EML5: variants seen among roughly 807,000 people sequenced by gnomAD.
EML5 encodes the protein echinoderm microtubule-associated protein-like 5.
In EML5, 120 loss-of-function variants were observed where a neutral mutation model predicts 250.0. The observed-to-expected ratio is 0.48, with a 90% CI of 0.41 to 0.56. EML5 has a LOEUF of 0.56. Ranked by LOEUF, EML5 falls within the 20% of genes least tolerant of loss-of-function variation. The pLI is 0.00. For missense variants in EML5, 2,006 were observed against 2,437.6 expected, an observed-to-expected ratio of 0.82 and a Z score of 3.73; for synonymous variants, 771 against 806.5, an observed-to-expected ratio of 0.96 and a Z score of 0.75.
intron 37 of EML5, 81 bp from the exon 38 acceptor site, chr14:88,621,382 G>GA: frequency 6.5e-7 from 1 of 1,550,270 alleles, no homozygotes; most frequent in Non-Finnish European, 8.8e-7. Flanking sequence ...TGACCCTATT[G>GA]ACCTGCTTTC....
At position 88,728,289 on chromosome 14, in the gene EML5, A is replaced by G. The variant is rs143739323; in HGVS notation, c.1050-1611T>C. On this transcript the variant is annotated intron_variant, in intron 7 of 43. Coordinates refer to ENST00000554922, the MANE Select transcript of EML5 (RefSeq NM_183387.3). Reference sequence around the variant, plus strand: ...CTGTATTAGGTATTATAAGTAATCTAGAGATTTAAAGTACAGTTGACCCTT... The same window carrying G: ...CTGTATTAGGTATTATAAGTAATCTGGAGATTTAAAGTACAGTTGACCCTT... 1.7e-3 allele frequency among the ~76,000 whole-genome samples: 263 copies of G among 152,196 alleles called. 1 individual carries two copies. The highest frequency in any genetic ancestry group is 6.0e-3 in the African/African-American group (251 of 41,520).
chr14:88,710,705 T>C (rs2093390441), intron 10 of EML5, among the ~76,000 whole-genome samples: 2 of 152,098 alleles, frequency 1.3e-5, no homozygotes, highest in African/African-American at 4.8e-5. Context: ...TGCCTAGAAA[T>C]AGAAATCATC....
At position 88,702,432 on chromosome 14, in the gene EML5, T is replaced by C; in HGVS notation, c.2238+14A>G. On this transcript the variant is annotated intron_variant, in intron 14 of 43. Transcript: ENST00000554922. ...TGTAGCTTATCTGGCTTATTGTCAG[T>C]CTTTCAAACCTACCTGGCCTGTTGC... 6.3e-7 allele frequency: 1 copy of C among 1,587,730 alleles called. No homozygotes were observed. Among genetic ancestry groups the C allele is most frequent in the Non-Finnish European group, 8.6e-7 (1 of 1,168,282 alleles).
At chr14:88,636,498 T>C (rs1468438028) in intron 32 of EML5, among the ~76,000 whole-genome samples, 1 of 152,096 alleles carries the variant, frequency 6.6e-6, no homozygotes, top group Non-Finnish European at 1.5e-5. Flanking sequence ...CCGTCTCTAC[T>C]AAAAATACAA....
rs1293260949 is a variant in EML5 at position 88,657,419 on chromosome 14, T to G, written c.3961A>C (p.Ile1321Leu). 6.3e-7 allele frequency: 1 copy of G among 1,596,100 alleles called. No homozygotes were observed. The highest frequency in any genetic ancestry group is 8.5e-7 in the Non-Finnish European group (1 of 1,169,604). The change falls in exon 27 of 44, where the codon ATC becomes CTC. Residue 1321 changes from isoleucine to leucine, a missense_variant. By Grantham distance (5) the Ile-to-Leu change is conservative. This residue lies in a region of EML5 where 1,375 missense variants were observed against 1,590.3 expected (regional missense o/e 0.86). Transcript: ENST00000554922. ...TCTTTTTGTTGTAAATGAGGCTTGA[T>G]TCCTAACATTGGGCGAATATTTGTT... ...LSTNIRPMLG[I>L]KPHLQQKEPS... is the part of the protein sequence containing the mutation.
At chr14:88,646,872 T>C (rs1447204912) in intron 29 of EML5, 75 bp downstream of exon 29, 6 of 1,462,166 alleles carry the variant, frequency 4.1e-6, no homozygotes, top group Non-Finnish European at 5.5e-6. Flanking sequence ...AGTAACAGTA[T>C]CCCATTAATG....
At chr14:88,693,779 T>C (rs2093013392) in intron 17 of EML5, among the ~76,000 whole-genome samples, 1 of 143,566 alleles carries the variant, frequency 7.0e-6, no homozygotes, top group East Asian at 2.0e-4. Flanking sequence ...TTTTTTTTTT[T>C]TTTTTTTTTC....
At chr14:88,632,323 A>G (rs988291547) in intron 33 of EML5, among the ~76,000 whole-genome samples, 3 of 151,874 alleles carry the variant, frequency 2.0e-5, no homozygotes, top group Admixed American at 6.6e-5. Flanking sequence ...TAATTTTCCA[A>G]TTTTCTCTCT....
chr14:88,674,497 A>G lies in EML5; in HGVS notation c.3124+7393T>C, dbSNP rs144507515. Among the ~76,000 whole-genome samples the G allele has an allele frequency of 1.8e-3, 275 of 152,278 alleles. 3 individuals carry two copies. The highest frequency in any genetic ancestry group is 5.9e-3 in the African/African-American group (244 of 41,554). ...AAAACCATCAGATGTCGTGAGACTC[A>G]CTATCACGAGAACAGCACAGGAAAG... On this transcript the variant is annotated intron_variant, in intron 21 of 43. Transcript: ENST00000554922.
intron 14 of EML5, among the ~76,000 whole-genome samples, chr14:88,698,066 A>G (rs1325651531): frequency 6.6e-6 from 1 of 152,182 alleles, no homozygotes; most frequent in African/African-American, 2.4e-5. Context: ...GATATAACAA[A>G]TAACACTGCA....
chr14:88,653,509 G>A (rs746857435), intron 27 of EML5, among the ~76,000 whole-genome samples: 27 of 152,168 alleles, frequency 1.8e-4, no homozygotes, highest in Non-Finnish European at 2.9e-4. Flanking sequence ...GCATGAAGGG[G>A]TGCTGAATTT....
intron 7 of EML5, 64 bp downstream of exon 7, chr14:88,736,300 T>C (rs1467814883): frequency 5.7e-6 from 9 of 1,566,604 alleles, no homozygotes; most frequent in South Asian, 3.4e-5. Flanking sequence ...TGCCTGGCCA[T>C]GTTTTCTTTA....
chr14:88,668,542 G>GA (rs1211245177), intron 21 of EML5, among the ~76,000 whole-genome samples: 3 of 152,094 alleles, frequency 2.0e-5, no homozygotes, highest in Admixed American at 6.6e-5. Flanking sequence ...GACAAGTAGG[G>GA]AAAAAAGCCT....
intron 2 of EML5, among the ~76,000 whole-genome samples, chr14:88,750,594 G>A (rs1344640629): frequency 2.6e-5 from 4 of 151,902 alleles, no homozygotes; most frequent in Non-Finnish European, 5.9e-5. Flanking sequence ...AAGAACCTAC[G>A]CCCTCTAACT....
rs1005390753 is a variant in EML5 at position 88,734,295 on chromosome 14, A to C, written c.1049+2069T>G. ...ATGAGAAGAAATTCTCTTTATAGAA[A>C]TATTACAGCTAACAAATGAATAATG... On this transcript the variant is annotated intron_variant, in intron 7 of 43. Transcript: ENST00000554922. Among the ~76,000 whole-genome samples the C allele has an allele frequency of 3.3e-5, 5 of 152,330 alleles. No individual in the cohort carries two copies. In the South Asian group the frequency reaches 8.3e-4, roughly 25 times the overall value.
chr14:88,733,208 C>T (rs2093787868), intron 7 of EML5, among the ~76,000 whole-genome samples: 1 of 152,216 alleles, frequency 6.6e-6, no homozygotes, highest in Non-Finnish European at 1.5e-5. Flanking sequence ...ATACGTTGGA[C>T]TATCCTCCTT....
At chr14:88,771,660 T>C (rs1177412433) in intron 1 of EML5, among the ~76,000 whole-genome samples, 6 of 152,178 alleles carry the variant, frequency 3.9e-5, no homozygotes, top group Admixed American at 3.3e-4. Flanking sequence ...TCATCTCTTC[T>C]CCTTCACTGA....
chr14:88,660,984 A>G (rs776098718), intron 25 of EML5, among the ~76,000 whole-genome samples: 5 of 152,160 alleles, frequency 3.3e-5, no homozygotes, highest in African/African-American at 4.8e-5. Flanking sequence ...GGTTAAAACA[A>G]CTTCAAGTTT....
chr14:88,683,356 T>G (rs929512836), intron 20 of EML5, among the ~76,000 whole-genome samples: 4 of 152,190 alleles, frequency 2.6e-5, no homozygotes, highest in Non-Finnish European at 4.4e-5. Flanking sequence ...TGGTTTAGCC[T>G]GTGGCACAAT....
Sources: allele counts gnomAD v4.1 joint callset (sites outside exome capture counted in the v4.1 genomes callset), GRCh38; gene constraint gnomAD v4.1.1; regional missense constraint gnomAD v4.1.1; transcripts MANE v1.5; gene names NCBI Gene and HGNC (gene_info 2026-07-23, HGNC 2026-07-21).